Variants in BCO2 observed in about 807,000 individuals in gnomAD.
BCO2 encodes carotenoid-cleaving dioxygenase, mitochondrial.
A neutral mutation model predicts 65.8 loss-of-function variants in BCO2; 56 were observed. The observed-to-expected ratio is 0.85, with a 90% CI of 0.69 to 1.06. The LOEUF is 1.06. BCO2 is among the 50% of genes least tolerant of loss of function. The pLI is 0.00. For synonymous variants in BCO2, 233 were observed against 242.3 expected (o/e 0.96, Z 0.36); for missense variants, 675 against 698.5 (o/e 0.97, Z 0.38).
intron 9 of BCO2, 140 bp from the exon 10 acceptor site, chr11:112,214,622 C>G: frequency 3.2e-6 from 2 of 628,856 alleles, no homozygotes. Context: ...GAAAGAGGAA[C>G]AATATTAAAA....
At chr11:112,179,583 T>C in intron 2 of BCO2, 101 bp downstream of exon 2, 1 of 1,059,800 alleles carries the variant, frequency 9.4e-7, no homozygotes, top group Non-Finnish European at 1.4e-6. Flanking sequence ...AATATTTCCA[T>C]TCCATCCCTT....
intron 3 of BCO2, 72 bp from the exon 4 acceptor site, chr11:112,193,807 C>A: frequency 6.8e-7 from 1 of 1,469,692 alleles, no homozygotes; most frequent in Non-Finnish European, 9.5e-7. Flanking sequence ...ACTGCTTTCT[C>A]CCTTTGAGTG....
rs755615630 is a variant in BCO2 at position 112,193,595 on chromosome 11, C to G, written c.415C>G (p.Arg139Gly). 1 of 1,614,042 alleles carries G rather than the reference C, an allele frequency of 6.2e-7. No individual in the cohort carries two copies. The highest frequency in any genetic ancestry group is 1.1e-5 in the South Asian group (1 of 91,064). The change falls in exon 3 of 12, where the codon CGA (arginine) becomes GGA (glycine). Residue 139 changes from arginine to glycine, a missense_variant. Coordinates refer to ENST00000357685, the MANE Select transcript of BCO2 (RefSeq NM_031938.7). ...ATATAAGGCCAACAGTGCTAAAAACCGAATTGTGATCTCAGAATTTGGCAC... is the reference window on the plus strand; with the variant it reads ...ATATAAGGCCAACAGTGCTAAAAACGGAATTGTGATCTCAGAATTTGGCAC... Reference protein sequence around the residue: ...DTYKANSAKNRIVISEFGTLA... With the variant: ...DTYKANSAKNGIVISEFGTLA...
chr11:112,188,757 C>CT (rs5794781), intron 2 of BCO2, among the ~76,000 whole-genome samples: 57,983 of 147,256 alleles, frequency 0.39, 11,868 homozygotes, highest in South Asian at 0.59. Flanking sequence ...GCATAAATAG[C>CT]TTTTTTTTTT....
At chr11:112,216,902 G>C (rs1859695205) in intron 11 of BCO2, among the ~76,000 whole-genome samples, 1 of 152,180 alleles carries the variant, frequency 6.6e-6, no homozygotes, top group South Asian at 2.1e-4. Context: ...TGGGGTGCAG[G>C]GCTCTGAGGC....
At chr11:112,184,859 A>G (rs181715687) in intron 2 of BCO2, among the ~76,000 whole-genome samples, 292 of 152,276 alleles carry the variant, frequency 1.9e-3, no homozygotes, top group Admixed American at 3.9e-3. Flanking sequence ...AGACTCATCA[A>G]CATGAGGCAA....
intron 2 of BCO2, chr11:112,182,978 G>C (rs1867097492): frequency 9.2e-7 from 1 of 1,088,506 alleles, no homozygotes; most frequent in South Asian, 1.2e-5. Flanking sequence ...AAGGAAGTCA[G>C]ATGACAGGAA....
intron 8 of BCO2, among the ~76,000 whole-genome samples, chr11:112,211,352 A>ACACT (rs147391427): frequency 0.064 from 9,540 of 148,870 alleles, 616 homozygotes; most frequent in African/African-American, 0.12. Context: ...ACACACACAC[A>ACACT]ATATTTGTTT....
chr11:112,181,563 T>C (rs1176725470), intron 2 of BCO2: 9 of 751,174 alleles, frequency 1.2e-5, no homozygotes, highest in Non-Finnish European at 1.7e-5. Context: ...TTGTAAATGA[T>C]AGCATTAATT....
At chr11:112,195,327 G>T (rs929714759) in intron 5 of BCO2, among the ~76,000 whole-genome samples, 5 of 152,064 alleles carry the variant, frequency 3.3e-5, no homozygotes, top group Non-Finnish European at 4.4e-5. Flanking sequence ...TAGAGACGAG[G>T]TTTCACCATG....
chr11:112,210,083 A>T (rs1426337344), intron 8 of BCO2, among the ~76,000 whole-genome samples: 1 of 152,136 alleles, frequency 6.6e-6, no homozygotes, highest in East Asian at 1.9e-4. Flanking sequence ...AGCCTTCCAG[A>T]CTTGAAAATT....
At chr11:112,202,253 C>A in intron 8 of BCO2, 63 bp downstream of exon 8, 1 of 1,428,364 alleles carries the variant, frequency 7.0e-7, no homozygotes, top group Non-Finnish European at 9.5e-7. Flanking sequence ...CTGGCTTTGG[C>A]TTTGGAATTA....
rs911937485 is a variant in BCO2, at chr11:112,200,103, C to A, written c.865+276C>A. Among the ~76,000 whole-genome samples, 11 of 152,014 alleles carry A rather than the reference C, an allele frequency of 7.2e-5. 1 individual carries two copies. The highest frequency in any genetic ancestry group is 1.0e-4 in the Non-Finnish European group (7 of 68,000). On this transcript the variant is annotated intron_variant, in intron 6 of 11. Coordinates refer to ENST00000357685, the MANE Select transcript of BCO2 (RefSeq NM_031938.7). ...TTTAAAATTTTAGGCAACCTTAAAG[C>A]CCACAAATAGTAATCATACATGAAA...
chr11:112,176,199 TGTA>T (rs1351984603), intron 1 of BCO2: 1 of 154,312 alleles, frequency 6.5e-6, no homozygotes, highest in Non-Finnish European at 1.4e-5. Context: ...AATTACTTAA[TGTA>T]GTAATTTAAT....
chr11:112,207,776 T>G (rs1859387308), intron 8 of BCO2, among the ~76,000 whole-genome samples: 1 of 152,242 alleles, frequency 6.6e-6, no homozygotes, highest in Non-Finnish European at 1.5e-5. Flanking sequence ...AGTCTTCCAG[T>G]ACGTGAACAC....
At chr11:112,211,349 CA>C in intron 8 of BCO2, among the ~76,000 whole-genome samples, 1 of 137,736 alleles carries the variant, frequency 7.3e-6, no homozygotes, top group African/African-American at 2.6e-5. Context: ...CACACACACA[CA>C]CAATATTTGT....
At chr11:112,215,105 G>A (rs1012039746) in intron 10 of BCO2, 161 bp downstream of exon 10, 5 of 677,662 alleles carry the variant, frequency 7.4e-6, no homozygotes, top group Admixed American at 5.6e-5. Context: ...TTAGGGGTAT[G>A]TTCCTTCTAG....
chr11:112,202,177 A>G lies in BCO2; in HGVS notation c.1181A>G (p.Glu394Gly), dbSNP rs1867753757. The G allele has an allele frequency of 6.2e-7, 1 of 1,611,554 alleles. No homozygotes were observed. The highest frequency in any genetic ancestry group is 1.7e-5 in the Admixed American group (1 of 59,370). ...YQLQNLRKAG[E>G]GLDQVHNSAA... ...TTACAGAATCTCAGGAAGGCTGGGG[A>G]AGGGCTTGATCAGGTAAACATTAGA... The change falls in exon 8 of 12, where the codon GAA (glutamate) becomes GGA (glycine). Residue 394 changes from glutamate to glycine, a missense_variant. Physicochemically the swap from Glu to Gly is moderately conservative, Grantham distance 98. Coordinates refer to ENST00000357685, the MANE Select transcript of BCO2 (RefSeq NM_031938.7).
At chr11:112,215,213 A>G (rs1176888610) in intron 10 of BCO2, 1 of 429,322 alleles carries the variant, frequency 2.3e-6, no homozygotes, top group African/African-American at 2.0e-5. Flanking sequence ...TAGGACACCT[A>G]TATTTAAAGT....
Sources: allele counts gnomAD v4.1 joint callset (sites outside exome capture counted in the v4.1 genomes callset), GRCh38; gene constraint gnomAD v4.1.1; transcripts MANE v1.5; gene names NCBI Gene and HGNC (gene_info 2026-07-23, HGNC 2026-07-21).